Variants in MAN1A2 observed in about 807,000 individuals in gnomAD.
MAN1A2 encodes mannosidase alpha class 1A member 2, also known as mannosyl-oligosaccharide 1,2-alpha-mannosidase IB.
In MAN1A2, 26 loss-of-function variants were observed where a neutral mutation model predicts 75.7. That is an observed-to-expected ratio of 0.34 (90% CI 0.25 to 0.48). The LOEUF is 0.48. MAN1A2 is among the 20% of genes least tolerant of loss of function. The pLI is 0.99. For missense variants in MAN1A2, 562 were observed against 775.5 expected (o/e 0.72, Z 3.27); for synonymous variants, 247 against 264.6 (o/e 0.93, Z 0.65).
chr1:117,492,013 C>T (rs986421348), intron 8 of MAN1A2, among the ~76,000 whole-genome samples: 1 of 152,072 alleles, frequency 6.6e-6, no homozygotes, highest in African/African-American at 2.4e-5. Flanking sequence ...GAGATGGAAT[C>T]TACTCCTGGT....
chr1:117,469,505 A>G (rs1650081264), intron 8 of MAN1A2, among the ~76,000 whole-genome samples: 2 of 152,100 alleles, frequency 1.3e-5, no homozygotes, highest in African/African-American at 2.4e-5. Context: ...AAAGCATACT[A>G]TCTATGAGAA....
At chr1:117,520,525 C>T (rs1651841834) in intron 12 of MAN1A2, among the ~76,000 whole-genome samples, 1 of 151,984 alleles carries the variant, frequency 6.6e-6, no homozygotes, top group South Asian at 2.1e-4. Context: ...ACAACAACAG[C>T]AACCAAGTGG....
At position 117,466,332 on chromosome 1, in the gene MAN1A2, A is replaced by T; in HGVS notation, c.1075-2A>T. On this transcript the variant is annotated splice_acceptor_variant, in intron 7 of 12. Transcript: ENST00000356554. LOFTEE classifies it high-confidence loss of function. ...TTGCATTCTTAATTTTATTTTACTC[A>T]GGTTATGCACATTCGGAAACTACTT... 1 of 1,573,942 alleles carries T rather than the reference A, an allele frequency of 6.4e-7. No individual in the cohort carries two copies. The highest frequency in any genetic ancestry group is 1.1e-5 in the South Asian group (1 of 87,184).
chr1:117,393,221 C>G (rs1653789423), intron 1 of MAN1A2, among the ~76,000 whole-genome samples: 1 of 152,220 alleles, frequency 6.6e-6, no homozygotes, highest in Non-Finnish European at 1.5e-5. Flanking sequence ...TTGTAAACAT[C>G]TCCCTTATAA....
rs760365159 is a variant in MAN1A2 at position 117,502,866 on chromosome 1, G to C, written c.1689G>C (p.Lys563Asn). 2.5e-6 allele frequency: 4 copies of C among 1,587,462 alleles called. No individual in the cohort carries two copies. Among genetic ancestry groups the C allele is most frequent in the African/African-American group, 2.7e-5 (2 of 74,028 alleles). Residue 563 changes from lysine (K) to asparagine (N), a missense_variant, in exon 12 of 13, where the codon AAG becomes AAC. By Grantham distance (94) the Lys-to-Asn change is moderately conservative. Transcript: ENST00000356554. ...WGWEAALAIE[K>N]YCRVNGGFSG... The stretch of plus-strand genomic sequence containing the variant: ...GATCTCTTTCATAGGCCATTGAAAA[G>C]TATTGCCGAGTTAATGGTGGGTTTT...
chr1:117,402,591 C>T (rs1647476275), intron 2 of MAN1A2, 150 bp downstream of exon 2: 1 of 514,598 alleles, frequency 1.9e-6, no homozygotes, highest in East Asian at 3.6e-5. Flanking sequence ...AGGACTAGAA[C>T]TCTTTCTTGT....
At chr1:117,459,898 C>A (rs940778045) in intron 6 of MAN1A2, among the ~76,000 whole-genome samples, 1 of 152,010 alleles carries the variant, frequency 6.6e-6, no homozygotes, top group Non-Finnish European at 1.5e-5. Flanking sequence ...GATACTGTCC[C>A]GATCATTCAC....
intron 1 of MAN1A2, among the ~76,000 whole-genome samples, chr1:117,376,828 G>A (rs1303314915): frequency 6.6e-6 from 1 of 152,046 alleles, no homozygotes; most frequent in Non-Finnish European, 1.5e-5. Flanking sequence ...ATTTTTTCTT[G>A]TCATTATTTC....
At chr1:117,491,388 A>G (rs933261796) in intron 8 of MAN1A2, among the ~76,000 whole-genome samples, 1 of 152,094 alleles carries the variant, frequency 6.6e-6, no homozygotes, top group African/African-American at 2.4e-5. Flanking sequence ...ATGGAACAAC[A>G]AAGTTCAGTT....
At chr1:117,468,318 C>G (rs1330999060) in intron 8 of MAN1A2, among the ~76,000 whole-genome samples, 1 of 152,124 alleles carries the variant, frequency 6.6e-6, no homozygotes, top group East Asian at 1.9e-4. Context: ...TGTACCCACT[C>G]TCCAGAGTGT....
rs1166297677 is a variant in MAN1A2 at position 117,458,629 on chromosome 1, T to A, written c.951-1860T>A. 2.0e-5 allele frequency among the ~76,000 whole-genome samples: 3 copies of A among 150,976 alleles called. No individual in the cohort carries two copies. In the East Asian group the frequency reaches 5.9e-4, roughly 30 times the overall value. On this transcript the variant is annotated intron_variant, in intron 6 of 12. Coordinates refer to ENST00000356554, the MANE Select transcript of MAN1A2 (RefSeq NM_006699.5). ...ACCTCTGCATTCTGGGTTTAAGCGA[T>A]TCTCCTGCCTCAGCCTCCTGAGTAG...
chr1:117,465,192 T>TAAA (rs1649944671), intron 7 of MAN1A2, among the ~76,000 whole-genome samples: 1 of 151,804 alleles, frequency 6.6e-6, no homozygotes, highest in Admixed American at 6.6e-5. Context: ...TATAAGGAGC[T>TAAA]TAGAAGACAA....
At chr1:117,497,057 G>A in intron 10 of MAN1A2, 75 bp downstream of exon 10, 2 of 1,230,162 alleles carry the variant, frequency 1.6e-6, no homozygotes, top group Non-Finnish European at 2.3e-6. Flanking sequence ...CAATAAGAAG[G>A]AGAATATATA....
chr1:117,368,675 T>C (rs528623147), intron 1 of MAN1A2, among the ~76,000 whole-genome samples, 190 bp downstream of exon 1: 26 of 151,736 alleles, frequency 1.7e-4, no homozygotes, highest in Non-Finnish European at 2.1e-4. Context: ...TATGGTAGAG[T>C]CCATAGACTG....
At chr1:117,422,673 A>G (rs973240050) in intron 5 of MAN1A2, among the ~76,000 whole-genome samples, 2 of 152,116 alleles carry the variant, frequency 1.3e-5, no homozygotes, top group African/African-American at 4.8e-5. Flanking sequence ...CCTGATGACA[A>G]GTGATGTTGA....
At chr1:117,379,713 A>G (rs557752357) in intron 1 of MAN1A2, among the ~76,000 whole-genome samples, 1 of 152,148 alleles carries the variant, frequency 6.6e-6, no homozygotes, top group African/African-American at 2.4e-5. Flanking sequence ...CATATTTCAC[A>G]TAAATAGTAT....
chr1:117,455,790 CTT>C (rs1331125541), intron 6 of MAN1A2, among the ~76,000 whole-genome samples: 1 of 144,464 alleles, frequency 6.9e-6, no homozygotes, highest in Admixed American at 6.9e-5. Context: ...TAGAGAGATA[CTT>C]TTTTTTTTTT....
At chr1:117,515,079 G>A in intron 12 of MAN1A2, 1 of 274,562 alleles carries the variant, frequency 3.6e-6, no homozygotes, top group Admixed American at 4.6e-5. Flanking sequence ...CTTACCTTTA[G>A]GCATGGACAA....
In MAN1A2 at chr1:117,419,451, C is replaced by T. The variant is rs572426055; in HGVS notation, c.775-1118C>T. Among the ~76,000 whole-genome samples the T allele has an allele frequency of 1.2e-4, 18 of 152,084 alleles. No individual in the cohort carries two copies. The South Asian group carries it at 2.7e-3, about 23-fold the overall frequency. On this transcript the variant is annotated intron_variant, in intron 4 of 12. Coordinates refer to ENST00000356554, the MANE Select transcript of MAN1A2 (RefSeq NM_006699.5). ...TGGGAATATATGAAGTAATATTAAG[C>T]ACTTTGCTTTCATGGTGGGATGGAA...
Sources: gnomAD v4.1 joint callset for allele counts (sites outside exome capture counted in the v4.1 genomes callset) on GRCh38, gnomAD v4.1.1 for gene constraint, MANE v1.5 for transcripts, NCBI Gene and HGNC (gene_info 2026-07-23, HGNC 2026-07-21) for gene names.